The following MAML2 variants were observed in gnomAD, a reference collection of about 807,000 sequenced individuals.
The protein encoded by MAML2 is mastermind-like protein 2.
Under a neutral mutation model 96.1 loss-of-function variants are expected in MAML2, and 22 were observed. That is an observed-to-expected ratio of 0.23 (90% CI 0.16 to 0.33). MAML2 has a LOEUF of 0.33. Among genes scored for constraint, MAML2 ranks in the 10% least tolerant of loss-of-function variants. MAML2 has a pLI of 1.00. For missense variants in MAML2, 1,367 were observed against 1,392.4 expected (o/e 0.98, Z 0.29); for synonymous variants, 561 against 521.3 (o/e 1.08, Z -1.04).
At chr11:96,086,500 C>A (rs1443274483) in intron 2 of MAML2, among the ~76,000 whole-genome samples, 3 of 151,778 alleles carry the variant, frequency 2.0e-5, no homozygotes, top group Non-Finnish European at 4.4e-5. Flanking sequence ...ACAGAGGTAC[C>A]AAGAAGCCCA....
chr11:96,156,872 A>G (rs1290121549), intron 1 of MAML2, among the ~76,000 whole-genome samples: 3 of 152,232 alleles, frequency 2.0e-5, no homozygotes, highest in Non-Finnish European at 4.4e-5. Context: ...TTATGAAGCA[A>G]TAAAAACAAA....
chr11:96,121,275 G>C (rs1312531927), intron 1 of MAML2, among the ~76,000 whole-genome samples: 1 of 152,112 alleles, frequency 6.6e-6, no homozygotes, highest in Non-Finnish European at 1.5e-5. Context: ...TCAGAAATAA[G>C]CAGACTCCCA....
intron 1 of MAML2, among the ~76,000 whole-genome samples, chr11:96,173,184 T>G (rs891893402): frequency 1.3e-5 from 2 of 152,210 alleles, no homozygotes; most frequent in African/African-American, 4.8e-5. Flanking sequence ...GACACAAGAC[T>G]ACAGCTATCA....
chr11:96,036,590 G>A (rs556803379), intron 2 of MAML2, among the ~76,000 whole-genome samples: 12 of 152,214 alleles, frequency 7.9e-5, no homozygotes, highest in Non-Finnish European at 1.3e-4. Flanking sequence ...TGTGATTTGA[G>A]GGTTTCACTT....
At chr11:96,277,260 T>C (rs560695058) in intron 1 of MAML2, among the ~76,000 whole-genome samples, 50 of 152,170 alleles carry the variant, frequency 3.3e-4, no homozygotes, top group Non-Finnish European at 5.9e-4. Flanking sequence ...CATAATATTT[T>C]ACATCTTTAT....
intron 1 of MAML2, among the ~76,000 whole-genome samples, chr11:96,304,516 A>G (rs1383453735): frequency 6.6e-6 from 1 of 152,234 alleles, no homozygotes; most frequent in African/African-American, 2.4e-5. Flanking sequence ...GATTCAACCA[A>G]GGAGAGAGAT....
intron 1 of MAML2, among the ~76,000 whole-genome samples, chr11:96,139,312 C>T (rs1030047809): frequency 1.3e-5 from 2 of 152,006 alleles, no homozygotes; most frequent in Non-Finnish European, 2.9e-5. Context: ...CCTGTCTCTA[C>T]TAAAAATACA....
chr11:96,143,350 T>G (rs2135868525), intron 1 of MAML2, among the ~76,000 whole-genome samples: 1 of 152,332 alleles, frequency 6.6e-6, no homozygotes, highest in East Asian at 1.9e-4. Flanking sequence ...AAGATTCAGA[T>G]GGACAGTCCT....
intron 1 of MAML2, among the ~76,000 whole-genome samples, chr11:96,168,486 T>C (rs1861228180): frequency 6.6e-6 from 1 of 152,210 alleles, no homozygotes. Flanking sequence ...TAGTGTGCTT[T>C]AAAATCTCCT....
intron 1 of MAML2, among the ~76,000 whole-genome samples, chr11:96,143,273 G>A (rs912049039): frequency 1.3e-5 from 2 of 152,138 alleles, no homozygotes; most frequent in Non-Finnish European, 2.9e-5. Context: ...AGTATAACAT[G>A]GTACAGCTTA....
intron 2 of MAML2, among the ~76,000 whole-genome samples, chr11:96,091,191 T>C (rs12278635): frequency 2.3e-3 from 350 of 152,332 alleles, no homozygotes; most frequent in African/African-American, 7.9e-3. Context: ...GATAATTTCA[T>C]CTTTTAACAT....
intron 1 of MAML2, among the ~76,000 whole-genome samples, chr11:96,294,290 T>C (rs538581957): frequency 1.3e-5 from 2 of 151,482 alleles, no homozygotes; most frequent in South Asian, 2.1e-4. Context: ...GAAACAAGAA[T>C]GTTCTCATGT....
At chr11:96,005,239 A>G (rs973271097) in intron 2 of MAML2, among the ~76,000 whole-genome samples, 6 of 149,546 alleles carry the variant, frequency 4.0e-5, no homozygotes, top group Non-Finnish European at 8.9e-5. Flanking sequence ...TATTTTAACT[A>G]TTATCTGCTC....
intron 2 of MAML2, among the ~76,000 whole-genome samples, chr11:96,056,613 T>C (rs1859074460): frequency 6.6e-6 from 1 of 152,180 alleles, no homozygotes; most frequent in African/African-American, 2.4e-5. Context: ...AAATGCAAGG[T>C]TAGAACATTT....
chr11:96,225,485 A>G (rs1053883035), intron 1 of MAML2, among the ~76,000 whole-genome samples: 2 of 152,206 alleles, frequency 1.3e-5, no homozygotes, highest in Admixed American at 1.3e-4. Context: ...TGACTCTTAG[A>G]AAGCATATGT....
chr11:96,148,517 C>T lies in MAML2; in HGVS notation c.514-55000G>A, dbSNP rs182371548. 3.1e-3 allele frequency among the ~76,000 whole-genome samples: 476 copies of T among 151,408 alleles called. 2 individuals are homozygous for T. Among genetic ancestry groups the T allele is most frequent in the Middle Eastern group, 0.011 (3 of 284 alleles). Reference sequence around the variant, plus strand: ...TTCTGGAGGCCTGGTAGGTGCCTGTCTACACTATGATTTGCAGGGTGCCTA... The same window carrying T: ...TTCTGGAGGCCTGGTAGGTGCCTGTTTACACTATGATTTGCAGGGTGCCTA... On this transcript the variant is annotated intron_variant, in intron 1 of 4. Coordinates refer to ENST00000524717, the MANE Select transcript of MAML2 (RefSeq NM_032427.4).
intron 1 of MAML2, among the ~76,000 whole-genome samples, chr11:96,302,314 T>C (rs905827490): frequency 6.6e-6 from 1 of 152,256 alleles, no homozygotes; most frequent in Non-Finnish European, 1.5e-5. Flanking sequence ...GTTTAAATTA[T>C]AAAGAGAAGA....
intron 1 of MAML2, among the ~76,000 whole-genome samples, chr11:96,317,240 C>T (rs1863644780): frequency 6.6e-6 from 1 of 152,140 alleles, no homozygotes; most frequent in Non-Finnish European, 1.5e-5. Flanking sequence ...TCTCAAGGCA[C>T]CCAGAAGCCA....
intron 2 of MAML2, among the ~76,000 whole-genome samples, chr11:96,024,768 T>C (rs1002645229): frequency 1.6e-4 from 24 of 152,178 alleles, no homozygotes; most frequent in Admixed American, 5.2e-4. Context: ...CCCTGGCAAC[T>C]GTGGATATTT....
Sources: gnomAD v4.1 joint callset for allele counts (sites outside exome capture counted in the v4.1 genomes callset) on GRCh38, gnomAD v4.1.1 for gene constraint, MANE v1.5 for transcripts, NCBI Gene and HGNC (gene_info 2026-07-23, HGNC 2026-07-21) for gene names.